Variants in PIP4P2 observed in about 807,000 individuals in gnomAD.
PIP4P2 encodes the protein phosphatidylinositol-4,5-bisphosphate 4-phosphatase 2, also known as type 2 phosphatidylinositol 4,5-bisphosphate 4-phosphatase.
A neutral mutation model predicts 33.3 loss-of-function variants in PIP4P2; 19 were observed. That is an observed-to-expected ratio of 0.57 (90% CI 0.40 to 0.84). PIP4P2 has a LOEUF of 0.84. PIP4P2 is among the 40% of genes least tolerant of loss of function. PIP4P2 has a pLI of 0.00. For missense variants in PIP4P2, 270 were observed against 324.7 expected, an observed-to-expected ratio of 0.83 and a Z score of 1.29; for synonymous variants, 110 against 111.9, an observed-to-expected ratio of 0.98 and a Z score of 0.11.
At chr8:91,003,493 ATT>A (rs1223785812) in intron 5 of PIP4P2, among the ~76,000 whole-genome samples, 18 of 152,308 alleles carry the variant, frequency 1.2e-4, no homozygotes, top group Non-Finnish European at 2.9e-5. Flanking sequence ...AAAATAATAT[ATT>A]CTTTTTCTAG....
At chr8:91,035,305 A>G (rs1812219615) in intron 1 of PIP4P2, among the ~76,000 whole-genome samples, 2 of 152,210 alleles carry the variant, frequency 1.3e-5, no homozygotes, top group Admixed American at 6.5e-5. Flanking sequence ...ATAAAGGTAC[A>G]TTGGAATATT....
At chr8:91,027,447 C>T (rs972745782) in intron 1 of PIP4P2, among the ~76,000 whole-genome samples, 1 of 152,020 alleles carries the variant, frequency 6.6e-6, no homozygotes, top group Admixed American at 6.6e-5. Context: ...CACCATCAAG[C>T]CCTTTGTCTC....
At chr8:91,036,770 T>C (rs1812236922) in intron 1 of PIP4P2, among the ~76,000 whole-genome samples, 1 of 152,210 alleles carries the variant, frequency 6.6e-6, no homozygotes, top group Non-Finnish European at 1.5e-5. Context: ...AACAATATCC[T>C]GGATGGGCTG....
At chr8:90,999,288 G>C (rs1173901981) in intron 5 of PIP4P2, among the ~76,000 whole-genome samples, 1 of 151,958 alleles carries the variant, frequency 6.6e-6, no homozygotes, top group Non-Finnish European at 1.5e-5. Context: ...GTTGTAGAGA[G>C]AAAGGAACGT....
chr8:91,031,435 A>G (rs1812163139), intron 1 of PIP4P2, among the ~76,000 whole-genome samples: 9 of 152,208 alleles, frequency 5.9e-5, no homozygotes, highest in Admixed American at 5.9e-4. Flanking sequence ...AAAATGTCAT[A>G]TTGTAACATG....
chr8:91,001,498 T>C (rs1393255797), intron 5 of PIP4P2, among the ~76,000 whole-genome samples: 1 of 152,044 alleles, frequency 6.6e-6, no homozygotes, highest in Non-Finnish European at 1.5e-5. Context: ...TAACCTTGTA[T>C]GGCTAAGTTT....
At chr8:91,036,087 T>A (rs1812228495) in intron 1 of PIP4P2, among the ~76,000 whole-genome samples, 1 of 152,078 alleles carries the variant, frequency 6.6e-6, no homozygotes, top group African/African-American at 2.4e-5. Flanking sequence ...AGCACATGTA[T>A]GTTCCATCAC....
At chr8:91,014,127 A>G (rs1230405147) in intron 4 of PIP4P2, among the ~76,000 whole-genome samples, 1 of 152,198 alleles carries the variant, frequency 6.6e-6, no homozygotes, top group East Asian at 1.9e-4. Flanking sequence ...GACAATGGAA[A>G]GCAGATGGAC....
chr8:91,040,574 CT>C, intron 1 of PIP4P2, 69 bp downstream of exon 1: 1 of 1,564,290 alleles, frequency 6.4e-7, no homozygotes. Flanking sequence ...GCTCCCAGGT[CT>C]TTATCCTTCT....
chr8:90,997,899 T>C (rs1811649839), intron 5 of PIP4P2, among the ~76,000 whole-genome samples: 1 of 152,130 alleles, frequency 6.6e-6, no homozygotes, highest in African/African-American at 2.4e-5. Flanking sequence ...TCCAAATCTT[T>C]TTGAAAAACT....
intron 3 of PIP4P2, among the ~76,000 whole-genome samples, chr8:91,019,168 A>T (rs563180656): frequency 6.6e-6 from 1 of 152,094 alleles, no homozygotes; most frequent in South Asian, 2.1e-4. Context: ...TTTATTGCAC[A>T]TATACATTCA....
chr8:90,999,203 C>A (rs955147140), intron 5 of PIP4P2, among the ~76,000 whole-genome samples: 1 of 152,036 alleles, frequency 6.6e-6, no homozygotes, highest in African/African-American at 2.4e-5. Flanking sequence ...CAAATAAAAA[C>A]CACAATGAGA....
Position 91,027,595 on chromosome 8 carries a change from G to A in PIP4P2, c.107-6191C>T, listed in dbSNP as rs368600792. Among the ~76,000 whole-genome samples the A allele has an allele frequency of 4.9e-4, 74 of 152,182 alleles. 1 individual carries two copies. Among genetic ancestry groups the A allele is most frequent in the African/African-American group, 1.6e-3 (68 of 41,420 alleles). ...ATTTCCAGAAACCTGGAGAGTACTT[G>A]TGAAGTGGATCCTAAGGGTGTTAAA... On this transcript the variant is annotated intron_variant, in intron 1 of 6. Coordinates refer to ENST00000285419, the MANE Select transcript of PIP4P2 (RefSeq NM_018710.3).
In PIP4P2 at chr8:90,994,879, A is replaced by G. The variant is rs1355659427; in HGVS notation, c.*798T>C. On this transcript the variant is annotated 3_prime_UTR_variant, in exon 7 of 7. Transcript: ENST00000285419. ...ACATGTTATGTGAAATACTTCCTCA[A>G]GCCTCTATAAAGGAATACATAGAGC... is the stretch of plus-strand genomic sequence containing the variant. 6.6e-6 allele frequency: 1 copy of G among 152,144 alleles called. No homozygotes were observed. The highest frequency in any genetic ancestry group is 1.5e-5 in the Non-Finnish European group (1 of 67,946). 9.4% of individuals were successfully genotyped at this position (152,144 alleles called of 1,614,324 possible). A position where few individuals can be genotyped will look rare whatever the true frequency, so the allele number is the denominator to read the frequency against.
At chr8:90,998,983 G>C (rs974936208) in intron 5 of PIP4P2, among the ~76,000 whole-genome samples, 1 of 152,096 alleles carries the variant, frequency 6.6e-6, no homozygotes. Flanking sequence ...AGGGTGAACA[G>C]ACAACCTACA....
chr8:91,003,268 T>C (rs995420525), intron 5 of PIP4P2, among the ~76,000 whole-genome samples: 1 of 152,170 alleles, frequency 6.6e-6, no homozygotes, highest in African/African-American at 2.4e-5. Flanking sequence ...AATTGCAGTA[T>C]TGGAGGTCAA....
intron 5 of PIP4P2, 42 bp from the exon 6 acceptor site, chr8:90,996,786 A>C: frequency 6.7e-7 from 1 of 1,492,066 alleles, no homozygotes; most frequent in Non-Finnish European, 9.1e-7. Flanking sequence ...AAGTATTTAC[A>C]TAAAAATTCT....
intron 4 of PIP4P2, among the ~76,000 whole-genome samples, chr8:91,013,003 C>T (rs1811859528): frequency 6.6e-6 from 1 of 152,122 alleles, no homozygotes; most frequent in Non-Finnish European, 1.5e-5. Flanking sequence ...CTTTTCTACC[C>T]TATTAGTACA....
chr8:91,031,953 G>T (rs1812169667), intron 1 of PIP4P2, among the ~76,000 whole-genome samples: 10 of 151,612 alleles, frequency 6.6e-5, no homozygotes, highest in Admixed American at 6.6e-4. Flanking sequence ...ATTTTCCTAA[G>T]TGTGTCCAGC....
Sources: gnomAD v4.1 joint callset for allele counts (sites outside exome capture counted in the v4.1 genomes callset) on GRCh38, gnomAD v4.1.1 for gene constraint, MANE v1.5 for transcripts, NCBI Gene and HGNC (gene_info 2026-07-23, HGNC 2026-07-21) for gene names.